The following CHPT1 variants were observed in gnomAD, a reference collection of about 807,000 sequenced individuals.
CHPT1 encodes cholinephosphotransferase 1.
In CHPT1, 36 loss-of-function variants were observed where a neutral mutation model predicts 47.6. The observed-to-expected ratio is 0.76, with a 90% CI of 0.58 to 1.00. The LOEUF (loss-of-function observed/expected upper bound fraction) is 1.00, where lower values mean the gene tolerates loss of function less well. CHPT1 is among the 50% of genes least tolerant of loss of function. The pLI, the probability that CHPT1 is intolerant of heterozygous loss-of-function variation, is 0.00. For synonymous variants in CHPT1, 194 were observed against 186.3 expected (o/e 1.04, Z -0.33); for missense variants, 458 against 498.1 (o/e 0.92, Z 0.77).
In CHPT1 at chr12:101,728,922, A is replaced by T; in HGVS notation, c.1198A>T (p.Ser400Cys). The change falls in exon 9 of 9, where the codon AGT becomes TGT. Residue 400 changes from serine (S) to cysteine (C), a missense_variant. Ser to Cys is a moderately radical substitution (Grantham distance 112). Coordinates refer to ENST00000229266, the MANE Select transcript of CHPT1 (RefSeq NM_020244.3). ...TTAGGTTCAAGTTCTTTCTTCAAAG[A>T]GTCATCAGAATAACATGGATTGAAG... ...PEQVQVLSSKSHQNNMD is the reference protein window; with the variant it reads ...PEQVQVLSSKCHQNNMD The T allele has an allele frequency of 6.2e-7, 1 of 1,613,512 alleles. No homozygotes were observed. The highest frequency in any genetic ancestry group is 8.5e-7 in the Non-Finnish European group (1 of 1,179,676).
rs182827273 is a variant in CHPT1, at chr12:101,724,289, C to A, written c.1065+442C>A. Among the ~76,000 whole-genome samples, 10 of 151,680 alleles carry A rather than the reference C, an allele frequency of 6.6e-5. No homozygotes were observed. In the East Asian group the frequency reaches 1.9e-3, roughly 29 times the overall value. On this transcript the variant is annotated intron_variant, in intron 7 of 8. Transcript: ENST00000229266. ...TGTTTCTGAGTATTTAAAATTACTT[C>A]TTCTAAGCTGTGAATAATATTATAT...
chr12:101,701,690 C>G (rs572860525), intron 1 of CHPT1, among the ~76,000 whole-genome samples: 31 of 152,252 alleles, frequency 2.0e-4, no homozygotes, highest in Non-Finnish European at 4.0e-4. Flanking sequence ...TAAGTTCAGA[C>G]AGCAATTGCT....
chr12:101,705,762 T>C (rs1951622833), intron 1 of CHPT1, among the ~76,000 whole-genome samples: 1 of 136,690 alleles, frequency 7.3e-6, no homozygotes. Context: ...TTTTGTTTGT[T>C]TGTTTGTTTG....
chr12:101,727,664 T>C (rs979113406), intron 8 of CHPT1: 1 of 152,184 alleles, frequency 6.6e-6, no homozygotes, highest in Admixed American at 6.5e-5. Context: ...TAACTAACTA[T>C]TGGTAAAACT....
At chr12:101,715,613 A>T (rs950313099) in intron 3 of CHPT1, among the ~76,000 whole-genome samples, 1 of 152,176 alleles carries the variant, frequency 6.6e-6, no homozygotes, top group African/African-American at 2.4e-5. Context: ...CCAGGCAGAG[A>T]TGTAAAGTAT....
intron 8 of CHPT1, 37 bp downstream of exon 8, chr12:101,726,441 A>AAAG (rs1951946260): frequency 1.9e-6 from 3 of 1,607,082 alleles, no homozygotes; most frequent in Non-Finnish European, 2.5e-6. Flanking sequence ...AGCCCAAGGA[A>AAAG]AAGAGGAGAT....
intron 8 of CHPT1, chr12:101,727,774 A>G (rs1049138816): frequency 1.3e-5 from 2 of 152,234 alleles, no homozygotes; most frequent in African/African-American, 4.8e-5. Context: ...ACAAAGTTCA[A>G]AAATTTAGGA....
At chr12:101,723,626 G>C in intron 6 of CHPT1, 96 bp from the exon 7 acceptor site, 1 of 808,762 alleles carries the variant, frequency 1.2e-6, no homozygotes, top group East Asian at 2.8e-5. Flanking sequence ...TAAATGGTCT[G>C]TTTTAATACT....
chr12:101,712,568 C>T (rs779860367), intron 1 of CHPT1, among the ~76,000 whole-genome samples: 12 of 148,430 alleles, frequency 8.1e-5, no homozygotes, highest in Non-Finnish European at 1.5e-4. Flanking sequence ...TCCCACCACT[C>T]GCCGATGCAC....
In CHPT1 at chr12:101,702,995, A is replaced by G. The variant is rs1388528978; in HGVS notation, c.273+4861A>G. ...GAGACTCTTCAGATAATGTGGAGGT[A>G]GCTTCCCTTGATTCCTATGGCTTCA... On this transcript the variant is annotated intron_variant, in intron 1 of 8. Transcript: ENST00000229266. Among the ~76,000 whole-genome samples, 3 of 152,320 alleles carry G rather than the reference A, an allele frequency of 2.0e-5. No homozygotes were observed. The South Asian group carries it at 6.2e-4, about 32-fold the overall frequency.
At position 101,711,027 on chromosome 12, in the gene CHPT1, G is replaced by T. The variant is rs139826000; in HGVS notation, c.274-3063G>T. Among the ~76,000 whole-genome samples the T allele has an allele frequency of 1.5e-3, 227 of 148,564 alleles. 10 individuals carry two copies. The highest frequency in any genetic ancestry group is 4.1e-3 in the African/African-American group (170 of 41,152). The stretch of plus-strand genomic sequence containing the variant: ...AACTAATTTTTGATAAGGGCCCCAA[G>T]AGGACACAATGGGGAAAGGATAGTC... On this transcript the variant is annotated intron_variant, in intron 1 of 8. Transcript: ENST00000229266.
rs74795688 is a variant in CHPT1 at position 101,701,628 on chromosome 12, G to A, written c.273+3494G>A. On this transcript the variant is annotated intron_variant, in intron 1 of 8. Coordinates refer to ENST00000229266, the MANE Select transcript of CHPT1 (RefSeq NM_020244.3). ...TGTAGCTCTCCTGTGGATCTTTACC[G>A]TTTTATTTTGGTTGTCTGTGTCCTT... Among the ~76,000 whole-genome samples, 899 of 152,236 alleles carry A rather than the reference G, an allele frequency of 5.9e-3. 11 individuals are homozygous for A. Among genetic ancestry groups the A allele is most frequent in the African/African-American group, 0.021 (859 of 41,556 alleles).
At chr12:101,716,704 C>A (rs779954959) in intron 3 of CHPT1, 24 bp from the exon 4 acceptor site, 49 of 1,475,586 alleles carry the variant, frequency 3.3e-5, no homozygotes, top group African/African-American at 1.5e-4. Flanking sequence ...AACACCTTAT[C>A]TATTCTTTGT....
rs1415018190 is a variant in CHPT1, at chr12:101,729,025, TAA to T, written c.*81_*82del. On this transcript the variant is annotated 3_prime_UTR_variant, in exon 9 of 9. Coordinates refer to ENST00000229266, the MANE Select transcript of CHPT1 (RefSeq NM_020244.3). ...ATTAAACATTTGTTTAATTTTTATT[TAA>T]GTGTTATACCTATTTCAGCAAATAA... 1.2e-6 allele frequency: 2 copies of T among 1,611,634 alleles called. No homozygotes were observed. Among genetic ancestry groups the T allele is most frequent in the Non-Finnish European group, 1.7e-6 (2 of 1,178,330 alleles).
chr12:101,726,899 ATAC>A (rs1200025113), intron 8 of CHPT1: 1 of 154,740 alleles, frequency 6.5e-6, no homozygotes, highest in Non-Finnish European at 1.4e-5. Flanking sequence ...GAAATTTTTT[ATAC>A]TAATCATTTT....
rs369936908 is a variant in CHPT1, at chr12:101,716,793, C to A, written c.629C>A (p.Ala210Glu). The A allele has an allele frequency of 5.6e-6, 9 of 1,603,682 alleles. No homozygotes were observed. The highest frequency in any genetic ancestry group is 7.7e-6 in the Non-Finnish European group (9 of 1,173,888). Residue 210 changes from alanine (A) to glutamate (E), a missense_variant, in exon 4 of 9, where the codon GCA (alanine) becomes GAA (glutamate). Coordinates refer to ENST00000229266, the MANE Select transcript of CHPT1 (RefSeq NM_020244.3). ...IVFVLSAFGG[A>E]TMWDYTIPIL... Reference sequence around the variant, plus strand: ...TTTGTGTTGTCTGCATTTGGAGGAGCAACAATGTGGGACTATACGGTAAAT... The same window carrying A: ...TTTGTGTTGTCTGCATTTGGAGGAGAAACAATGTGGGACTATACGGTAAAT...
At chr12:101,707,087 G>A (rs1648091555) in intron 1 of CHPT1, among the ~76,000 whole-genome samples, 1 of 152,204 alleles carries the variant, frequency 6.6e-6, no homozygotes, top group Non-Finnish European at 1.5e-5. Context: ...AAGGGAGTAG[G>A]TAGGAATGGA....
At chr12:101,716,150 G>A (rs187801070) in intron 3 of CHPT1, among the ~76,000 whole-genome samples, 1 of 152,186 alleles carries the variant, frequency 6.6e-6, no homozygotes, top group East Asian at 1.9e-4. Flanking sequence ...CAGCTTCAGG[G>A]GAATGCAGAC....
At chr12:101,714,754 T>G in intron 3 of CHPT1, 109 bp downstream of exon 3, 4 of 1,171,788 alleles carry the variant, frequency 3.4e-6, no homozygotes, top group Non-Finnish European at 4.6e-6. Context: ...ATCAGTAACT[T>G]AAATTAATTC....
Sources: allele counts gnomAD v4.1 joint callset (sites outside exome capture counted in the v4.1 genomes callset), GRCh38; gene constraint gnomAD v4.1.1; transcripts MANE v1.5; gene names NCBI Gene and HGNC (gene_info 2026-07-23, HGNC 2026-07-21).